The following UNC13C variants were observed in gnomAD, a reference collection of about 807,000 sequenced individuals.
The protein encoded by UNC13C is unc-13 homolog C, also known as protein unc-13 homolog C.
A neutral mutation model predicts 245.4 loss-of-function variants in UNC13C; 174 were observed. The observed-to-expected ratio is 0.71, with a 90% CI of 0.63 to 0.80. The LOEUF is 0.80. Among genes scored for constraint, UNC13C ranks in the 30% least tolerant of loss-of-function variants. The pLI is 0.00. For synonymous variants in UNC13C, 992 were observed against 895.1 expected (o/e 1.11, Z -1.93); for missense variants, 2,829 against 2,602.9 (o/e 1.09, Z -1.89).
chr15:53,946,273 G>A, the UNC13C span, among the ~76,000 whole-genome samples: 108 of 152,070 alleles, frequency 7.1e-4, no homozygotes, highest in Admixed American at 7.1e-3. Flanking sequence ...GTACAATGTT[G>A]AATAGGAGTG....
chr15:54,543,645 C>T (rs905414111), intron 26 of UNC13C, among the ~76,000 whole-genome samples: 11 of 152,018 alleles, frequency 7.2e-5, no homozygotes, highest in Admixed American at 7.2e-4. Flanking sequence ...TACAAACTAC[C>T]TTCTGAGAAT....
chr15:54,354,691 C>T (rs2039054719), intron 17 of UNC13C, among the ~76,000 whole-genome samples: 1 of 152,098 alleles, frequency 6.6e-6, no homozygotes, highest in African/African-American at 2.4e-5. Flanking sequence ...TTGTACAAAC[C>T]AAAGTAGTAC....
chr15:53,880,869 C>G, the UNC13C span, among the ~76,000 whole-genome samples: 63,493 of 151,876 alleles, frequency 0.42, 13,483 homozygotes, highest in Middle Eastern at 0.52. Context: ...GGATAAAAAT[C>G]GCTGGATTTT....
chr15:53,847,358 T>A, the UNC13C span, among the ~76,000 whole-genome samples: 23 of 139,240 alleles, frequency 1.7e-4, no homozygotes, highest in Non-Finnish European at 3.1e-4. Context: ...TCATTAGCTA[T>A]TTTTTTTTTT....
At chr15:54,038,120 A>ATTTTTTTT (rs1246982047) in intron 2 of UNC13C, among the ~76,000 whole-genome samples, 673 of 45,054 alleles carry the variant, frequency 0.015, 49 homozygotes, top group East Asian at 0.023. Context: ...ATATATATAT[A>ATTTTTTTT]TATATTTTTT....
At chr15:54,061,625 G>A (rs958804486) in intron 2 of UNC13C, among the ~76,000 whole-genome samples, 3 of 152,130 alleles carry the variant, frequency 2.0e-5, no homozygotes, top group Non-Finnish European at 4.4e-5. Context: ...GCTTAAGTAA[G>A]AGAGAGCAAA....
intron 2 of UNC13C, among the ~76,000 whole-genome samples, chr15:54,060,559 G>T (rs1897769498): frequency 6.6e-6 from 1 of 152,190 alleles, no homozygotes; most frequent in African/African-American, 2.4e-5. Flanking sequence ...AGTCGGTGTG[G>T]TGATTCCTCA....
chr15:54,435,986 C>T (rs546412397), intron 19 of UNC13C, among the ~76,000 whole-genome samples: 6 of 151,986 alleles, frequency 3.9e-5, no homozygotes, highest in African/African-American at 1.4e-4. Context: ...TGAGAAAAAG[C>T]TCATCATCAC....
At chr15:54,618,757 C>G (rs920529026) in intron 30 of UNC13C, among the ~76,000 whole-genome samples, 6 of 152,026 alleles carry the variant, frequency 3.9e-5, no homozygotes, top group African/African-American at 1.2e-4. Context: ...GTTTCAGTAC[C>G]AAAAGCATTA....
chr15:54,122,105 G>C (rs1172449337), intron 2 of UNC13C, among the ~76,000 whole-genome samples: 1 of 151,620 alleles, frequency 6.6e-6, no homozygotes, highest in Admixed American at 6.6e-5. Context: ...TGTAAATTAT[G>C]ATTTTGTTGC....
chr15:54,231,052 G>C (rs1305986666), intron 4 of UNC13C, among the ~76,000 whole-genome samples: 1 of 151,898 alleles, frequency 6.6e-6, no homozygotes, highest in Non-Finnish European at 1.5e-5. Context: ...AGTCTAATAA[G>C]TCTTTATTCC....
intron 13 of UNC13C, among the ~76,000 whole-genome samples, chr15:54,310,227 TGTAGCTGTTAAAA>T (rs1377909371): frequency 6.6e-6 from 1 of 151,830 alleles, no homozygotes; most frequent in Non-Finnish European, 1.5e-5. Context: ...GTGTTAGAAC[TGTAGCTGTTAAAA>T]GTAAATGATT....
the UNC13C span, among the ~76,000 whole-genome samples, chr15:53,902,939 G>A: frequency 6.6e-6 from 1 of 152,178 alleles, no homozygotes; most frequent in Admixed American, 6.5e-5. Context: ...AGCTTCAAAG[G>A]GTTGGTAGGG....
chr15:54,040,577 G>T (rs1335000148), intron 2 of UNC13C, among the ~76,000 whole-genome samples: 1 of 152,166 alleles, frequency 6.6e-6, no homozygotes, highest in Non-Finnish European at 1.5e-5. Flanking sequence ...AAAGCTGGGG[G>T]TATTTTTCAA....
chr15:54,040,337 TAAG>T (rs1343462240), intron 2 of UNC13C, among the ~76,000 whole-genome samples: 6 of 152,282 alleles, frequency 3.9e-5, no homozygotes, highest in African/African-American at 1.2e-4. Flanking sequence ...CAATCCCACT[TAAG>T]AACCCTGACC....
At chr15:54,106,777 C>G (rs78281957) in intron 2 of UNC13C, among the ~76,000 whole-genome samples, 1 of 152,150 alleles carries the variant, frequency 6.6e-6, no homozygotes. Context: ...TCAAACCAGC[C>G]CATGTGATTA....
intron 19 of UNC13C, among the ~76,000 whole-genome samples, chr15:54,429,848 T>G (rs897000646): frequency 3.5e-4 from 53 of 151,790 alleles, no homozygotes; most frequent in African/African-American, 1.3e-3. Context: ...TAACAGAAAG[T>G]AAAAAGTAAT....
chr15:53,967,765 G>T, the UNC13C span, among the ~76,000 whole-genome samples: 1 of 152,172 alleles, frequency 6.6e-6, no homozygotes, highest in Non-Finnish European at 1.5e-5. Context: ...TTGCCAAATG[G>T]AGATAAATAA....
At chr15:54,173,017 C>G (rs1468702852) in intron 4 of UNC13C, among the ~76,000 whole-genome samples, 1 of 151,544 alleles carries the variant, frequency 6.6e-6, no homozygotes, top group Non-Finnish European at 1.5e-5. Context: ...ATTATCTTGG[C>G]ACTTCTGTTG....
Sources: allele counts gnomAD v4.1 joint callset (sites outside exome capture counted in the v4.1 genomes callset), GRCh38; gene constraint gnomAD v4.1.1; transcripts MANE v1.5; gene names NCBI Gene and HGNC (gene_info 2026-07-23, HGNC 2026-07-21).